POLI: variants seen among roughly 807,000 people sequenced by gnomAD.
POLI encodes DNA polymerase iota.
POLI carries 58 observed loss-of-function variants against 51.6 expected under a neutral mutation model. That is an observed-to-expected ratio of 1.12 (90% CI 0.91 to 1.40). The LOEUF is 1.40. Ranked by LOEUF, POLI falls within the 40% of genes most tolerant of loss-of-function variation. The pLI, the probability that POLI is intolerant of heterozygous loss-of-function variation, is 0.00. For missense variants in POLI, 921 were observed against 871.3 expected (o/e 1.06, Z -0.72); for synonymous variants, 322 against 299.7 (o/e 1.07, Z -0.77).
chr18:54,309,596 T>C (rs923808605), intron 3 of POLI, among the ~76,000 whole-genome samples: 2 of 152,136 alleles, frequency 1.3e-5, no homozygotes, highest in African/African-American at 4.8e-5. Flanking sequence ...TGCTGGGAGA[T>C]GTCCCATGTC....
downstream of POLI, among the ~76,000 whole-genome samples, chr18:54,298,961 A>G (rs1239364467): frequency 6.6e-6 from 1 of 152,146 alleles, no homozygotes; most frequent in Admixed American, 6.5e-5. Flanking sequence ...AAATATAGGT[A>G]TGACTTGACT....
At chr18:54,279,897 T>C (rs1230116237) in intron 4 of POLI, among the ~76,000 whole-genome samples, 1 of 152,260 alleles carries the variant, frequency 6.6e-6, no homozygotes, top group Non-Finnish European at 1.5e-5. Flanking sequence ...GCTTTCTTGT[T>C]ATATAATAAT....
In POLI at chr18:54,291,996, G is replaced by A. The variant is rs767707112; in HGVS notation, c.1362G>A (p.Met454Ile). 1.9e-6 allele frequency: 3 copies of A among 1,610,682 alleles called. No homozygotes were observed. Among genetic ancestry groups the A allele is most frequent in the South Asian group, 1.1e-5 (1 of 90,816 alleles). Reference sequence around the variant, plus strand: ...AAGGGCTTATTGATTATTATTTAATGCCATCATTATCAACTACTTCACGCT... The same window carrying A: ...AAGGGCTTATTGATTATTATTTAATACCATCATTATCAACTACTTCACGCT... ...AKKGLIDYYL[M>I]PSLSTTSRSG... The change falls in exon 9 of 10, where the codon ATG (methionine) becomes ATA (isoleucine). Residue 454 changes from methionine (M) to isoleucine (I), a missense_variant. Transcript: ENST00000579534.
intron 2 of POLI, among the ~76,000 whole-genome samples, chr18:54,271,892 TCTAA>T (rs1267126171): frequency 2.6e-5 from 4 of 152,332 alleles, no homozygotes; most frequent in South Asian, 2.1e-4. Flanking sequence ...TTGTGTAACA[TCTAA>T]CTAACTAGTT....
chr18:54,319,522 G>A (rs1266641295), intron 3 of POLI, among the ~76,000 whole-genome samples: 3 of 152,012 alleles, frequency 2.0e-5, no homozygotes, highest in East Asian at 1.9e-4. Flanking sequence ...AGTATTAGAG[G>A]AGTTATATGG....
Position 54,277,764 on chromosome 18 carries a change from T to A in POLI, c.468T>A (p.Asp156Glu). Residue 156 changes from aspartate to glutamate, a missense_variant, in exon 4 of 10, where the codon GAT (aspartate) becomes GAA (glutamate). Asp to Glu is a conservative substitution (Grantham distance 45). Transcript: ENST00000579534. Reference protein sequence around the residue: ...ERLGFDENFVDLTEMVEKRLQ... With the variant: ...ERLGFDENFVELTEMVEKRLQ... Reference sequence around the variant, plus strand: ...TTGGATTTGATGAAAATTTTGTGGATCTAACAGAAATGGTTGAGAAGAGAC... The same window carrying A: ...TTGGATTTGATGAAAATTTTGTGGAACTAACAGAAATGGTTGAGAAGAGAC... 1 of 1,611,328 alleles carries A rather than the reference T, an allele frequency of 6.2e-7. No homozygotes were observed.
chr18:54,269,551 A>G lies in POLI; in HGVS notation c.5A>G (p.Glu2Gly). 2 of 1,507,520 alleles carry G rather than the reference A, an allele frequency of 1.3e-6. No homozygotes were observed. The highest frequency in any genetic ancestry group is 8.8e-7 in the Non-Finnish European group (1 of 1,132,848). The allele number at this position is 1,507,520 out of a possible 1,614,324, so 93.4% of individuals were successfully genotyped here. A position where few individuals can be genotyped will look rare whatever the true frequency, so the allele number is the denominator to read the frequency against. The change falls in exon 1 of 10, where the codon GAG becomes GGG. Residue 2 changes from glutamate (E) to glycine (G), a missense_variant. Coordinates refer to ENST00000579534, the MANE Select transcript of POLI (RefSeq NM_007195.3). M[E>G]KLGVEPEEEG... ...GCTGCGGTTGGCAGCGGCGGGATGGAGAAGCTGGGGGTGGAGCCGGAGGAG... is the reference window on the plus strand; with the variant it reads ...GCTGCGGTTGGCAGCGGCGGGATGGGGAAGCTGGGGGTGGAGCCGGAGGAG...
chr18:54,293,703 G>T lies in POLI; in HGVS notation c.1459G>T (p.Asp487Tyr). 2.5e-6 allele frequency: 4 copies of T among 1,597,722 alleles called. No individual in the cohort carries two copies. In the South Asian group the frequency reaches 3.4e-5, roughly 14 times the overall value. The part of the protein sequence containing the change: ...DFPKDKETNR[D>Y]FLPSGRIEST... ...TCCCAAAGACAAAGAAACAAACCGG[G>T]ATTTCCTACCAAGTGGAAGAATTGA... is the stretch of plus-strand genomic sequence containing the variant. Residue 487 changes from aspartate to tyrosine, a missense_variant, in exon 10 of 10, where the codon GAT becomes TAT. Physicochemically the swap from Asp to Tyr is radical, Grantham distance 160. Coordinates refer to ENST00000579534, the MANE Select transcript of POLI (RefSeq NM_007195.3).
chr18:54,301,381 CATTT>C (rs1389425885), downstream of POLI, among the ~76,000 whole-genome samples: 1 of 152,070 alleles, frequency 6.6e-6, no homozygotes, highest in Non-Finnish European at 1.5e-5. Flanking sequence ...GAACAATTGA[CATTT>C]ATACAAAAGT....
Position 54,269,621 on chromosome 18 carries a change from C to G in POLI, c.75C>G (p.Ala25=). The G allele has an allele frequency of 1.3e-6, 2 of 1,510,684 alleles. No individual in the cohort carries two copies. Among genetic ancestry groups the G allele is most frequent in the Non-Finnish European group, 1.8e-6 (2 of 1,132,262 alleles). The allele number at this position is 1,510,684 out of a possible 1,614,324, so 93.6% of individuals were successfully genotyped here. Residue 25 remains alanine (A), a synonymous_variant, in exon 1 of 10, where the codon GCC becomes GCG. Coordinates refer to ENST00000579534, the MANE Select transcript of POLI (RefSeq NM_007195.3). The part of the protein sequence containing the change: ...DDDEEDAEAW[A]MELADVGAAA... ...ACGAGGAAGACGCCGAGGCCTGGGC[C>G]ATGGAACTGGCGGACGTGGGGGCGG...
intron 5 of POLI, 57 bp downstream of exon 5, chr18:54,280,960 A>G (rs1351461624): frequency 1.1e-6 from 1 of 896,800 alleles, no homozygotes; most frequent in Admixed American, 2.7e-5. Context: ...CTTTTAATTT[A>G]AAAAATTATA....
At chr18:54,284,862 T>C (rs1227257937) in intron 7 of POLI, 2 of 152,198 alleles carry the variant, frequency 1.3e-5, no homozygotes, top group Admixed American at 1.3e-4. Flanking sequence ...TACATGTATT[T>C]CTCAATATTC....
At position 54,294,261 on chromosome 18, in the gene POLI, A is replaced by G; in HGVS notation, c.2017A>G (p.Thr673Ala). 3 of 1,613,736 alleles carry G rather than the reference A, an allele frequency of 1.9e-6. No homozygotes were observed. Among genetic ancestry groups the G allele is most frequent in the Non-Finnish European group, 2.5e-6 (3 of 1,179,726 alleles). ...QSEQLFSRNH[T>A]TDSHKQTVAT... is the part of the protein sequence containing the mutation. The stretch of plus-strand genomic sequence containing the variant: ...TGAGCAACTTTTCTCCAGAAACCAC[A>G]CTACAGATAGCCATAAGCAAACAGT... Residue 673 changes from threonine to alanine, a missense_variant, in exon 10 of 10, where the codon ACT (threonine) becomes GCT (alanine). Coordinates refer to ENST00000579534, the MANE Select transcript of POLI (RefSeq NM_007195.3).
intron 3 of POLI, 58 bp from the exon 4 acceptor site, chr18:54,277,645 A>G: frequency 8.9e-7 from 1 of 1,123,322 alleles, no homozygotes; most frequent in Non-Finnish European, 1.3e-6. Flanking sequence ...CTAGATAGTT[A>G]AATTTATCCT....
At chr18:54,293,540 G>T in intron 9 of POLI, 109 bp from the exon 10 acceptor site, 1 of 720,178 alleles carries the variant, frequency 1.4e-6, no homozygotes, top group East Asian at 2.7e-5. Flanking sequence ...AGTTGTATTT[G>T]TTGAGTAGGT....
In POLI at chr18:54,291,858, G is replaced by T. The variant is rs2088029375; in HGVS notation, c.1224G>T (p.Met408Ile). The T allele has an allele frequency of 6.3e-7, 1 of 1,583,812 alleles. No homozygotes were observed. The highest frequency in any genetic ancestry group is 1.3e-5 in the African/African-American group (1 of 74,224). Residue 408 changes from methionine to isoleucine, a missense_variant, in exon 9 of 10, where the codon ATG becomes ATT. Coordinates refer to ENST00000579534, the MANE Select transcript of POLI (RefSeq NM_007195.3). ...GTGNYDVMTP[M>I]VDILMKLFRN... is the part of the protein sequence containing the mutation. ...GAAATTATGATGTGATGACCCCAAT[G>T]GTTGATATACTTATGAAACTTTTTC...
In POLI at chr18:54,282,932, T is replaced by C; in HGVS notation, c.892T>C (p.Leu298=). 6.2e-7 allele frequency: 1 copy of C among 1,605,774 alleles called. No individual in the cohort carries two copies. Among genetic ancestry groups the C allele is most frequent in the Non-Finnish European group, 8.5e-7 (1 of 1,175,682 alleles). The change falls in exon 6 of 10, where the codon TTA becomes CTA. Residue 298 remains leucine, a synonymous_variant. Coordinates refer to ENST00000579534, the MANE Select transcript of POLI (RefSeq NM_007195.3). The part of the protein sequence containing the change: ...TFSPKILEKE[L]GISVAQRIQK... Reference sequence around the variant, plus strand: ...TTCACCCAAAATTTTAGAAAAAGAATTAGGAATTTCAGTTGCTCAGCGTAT... The same window carrying C: ...TTCACCCAAAATTTTAGAAAAAGAACTAGGAATTTCAGTTGCTCAGCGTAT...
intron 4 of POLI, chr18:54,321,022 T>A (rs1288707453): frequency 2.0e-5 from 3 of 152,192 alleles, no homozygotes; most frequent in Non-Finnish European, 2.9e-5. Context: ...ATGCACTCAT[T>A]TATGCATGTG....
intron 1 of POLI, 127 bp downstream of exon 1, chr18:54,269,788 G>A: frequency 7.2e-7 from 1 of 1,380,224 alleles, no homozygotes; most frequent in South Asian, 1.7e-5. Context: ...CTCTAAGAGA[G>A]GGCTGCCTCC....
Sources: gnomAD v4.1 joint callset for allele counts (sites outside exome capture counted in the v4.1 genomes callset) on GRCh38, gnomAD v4.1.1 for gene constraint, MANE v1.5 for transcripts, NCBI Gene and HGNC (gene_info 2026-07-23, HGNC 2026-07-21) for gene names.